Variants in RABEP2 observed in about 807,000 individuals in gnomAD.
The protein encoded by RABEP2 is rab GTPase-binding effector protein 2.
Under a neutral mutation model 74.1 loss-of-function variants are expected in RABEP2, and 57 were observed. The ratio of observed to expected loss-of-function variants is 0.77; its 90% CI spans 0.62 to 0.96. The LOEUF is 0.96. Ranked by LOEUF, RABEP2 falls within the 40% of genes least tolerant of loss-of-function variation. The pLI is 0.00. For missense variants in RABEP2, 692 were observed against 756.3 expected, an observed-to-expected ratio of 0.91 and a Z score of 1.00; for synonymous variants, 351 against 344.0, an observed-to-expected ratio of 1.02 and a Z score of -0.23.
At chr16:28,917,493 C>G (rs1964409978) in intron 3 of RABEP2, among the ~76,000 whole-genome samples, 1 of 152,210 alleles carries the variant, frequency 6.6e-6, no homozygotes, top group Non-Finnish European at 1.5e-5. Flanking sequence ...GATCTCGGCT[C>G]ACTGCAACCT....
intron 2 of RABEP2, among the ~76,000 whole-genome samples, chr16:28,922,615 G>A (rs1231829250): frequency 6.6e-6 from 1 of 151,774 alleles, no homozygotes; most frequent in African/African-American, 2.4e-5. Context: ...GTCCCAGCTG[G>A]TTGGGAGGCT....
Position 28,919,959 on chromosome 16 carries a change from G to A in RABEP2, c.275-16C>T. ...CTGATGGAGTCTGGTGGGGGAGAGG[G>A]AGGGTGGGAGAGAGGGAGGGTCAAT... On this transcript the variant is annotated splice_polypyrimidine_tract_variant and intron_variant, in intron 2 of 12. Coordinates refer to ENST00000358201, the MANE Select transcript of RABEP2 (RefSeq NM_024816.3). 1 of 1,530,668 alleles carries A rather than the reference G, an allele frequency of 6.5e-7. No individual in the cohort carries two copies. The allele number at this position is 1,530,668 out of a possible 1,614,324, so 94.8% of individuals were successfully genotyped here.
Position 28,905,403 on chromosome 16 carries a change from G to A in RABEP2, c.1602C>T (p.Ala534=), listed in dbSNP as rs754837333. 1 of 1,605,620 alleles carries A rather than the reference G, an allele frequency of 6.2e-7. No individual in the cohort carries two copies. The highest frequency in any genetic ancestry group is 1.1e-5 in the South Asian group (1 of 89,248). The change falls in exon 12 of 13, where the codon GCC becomes GCT. Residue 534 remains alanine (A), a synonymous_variant. Transcript: ENST00000358201. ...VQRDFVRLSQ[A]LQVRLERIRQ... is the part of the protein sequence containing the mutation. ...GGGCTGGGACAGGCCATACCTGCAG[G>A]GCCTGGGACAGTCGCACGAAATCCC... is the stretch of plus-strand genomic sequence containing the variant.
chr16:28,924,829 C>G, intron 1 of RABEP2: 1 of 717,524 alleles, frequency 1.4e-6, no homozygotes, highest in South Asian at 1.5e-5. Flanking sequence ...GCCAGTTTCA[C>G]TCAGTCCTCT....
rs757390295 is a variant in RABEP2, at chr16:28,908,686, C to T, written c.1168G>A (p.Glu390Lys). The change falls in exon 8 of 13, where the codon GAG becomes AAG. Residue 390 changes from glutamate (E) to lysine (K), a missense_variant. Coordinates refer to ENST00000358201, the MANE Select transcript of RABEP2 (RefSeq NM_024816.3). ...TGGGGGGCTGAGGATGGCAGCTGCT[C>T]GGCCCGGAGCCCTTGGTTTTCCTCA... is the stretch of plus-strand genomic sequence containing the variant. ...LNEENQGLRAEQLPSSAPQGS... is the reference protein window; with the variant it reads ...LNEENQGLRAKQLPSSAPQGS... 1.1e-5 allele frequency: 17 copies of T among 1,614,072 alleles called. No homozygotes were observed. In the East Asian group the frequency reaches 1.6e-4, roughly 15 times the overall value.
At chr16:28,914,920 T>C (rs542642009) in intron 3 of RABEP2, 138 bp from the exon 4 acceptor site, 1 of 701,942 alleles carries the variant, frequency 1.4e-6, no homozygotes, top group East Asian at 2.7e-5. Context: ...ATTCCAGAGA[T>C]AAGAACACAG....
In RABEP2 at chr16:28,905,006, C is replaced by G. The variant is rs1205755930; in HGVS notation, c.1647G>C (p.Glu549Asp). 6.2e-7 allele frequency: 1 copy of G among 1,611,318 alleles called. No individual in the cohort carries two copies. The highest frequency in any genetic ancestry group is 8.5e-7 in the Non-Finnish European group (1 of 1,179,782). ...CCTCATCCATGATGCTGCGCACTTG[C>G]TCCAGGGTCTCAGCCTGGCGGATCC... is the stretch of plus-strand genomic sequence containing the variant. ...LERIRQAETL[E>D]QVRSIMDEAP... Residue 549 changes from glutamate (E) to aspartate (D), a missense_variant, in exon 13 of 13, where the codon GAG (glutamate) becomes GAC (aspartate). Physicochemically the swap from Glu to Asp is conservative, Grantham distance 45 (BLOSUM62 2). Coordinates refer to ENST00000358201, the MANE Select transcript of RABEP2 (RefSeq NM_024816.3).
Position 28,914,556 on chromosome 16 carries a change from C to T in RABEP2, c.574G>A (p.Gly192Ser), listed in dbSNP as rs758271327. ...RRPRHAPSLHGSTELLPLSRD... is the reference protein window; with the variant it reads ...RRPRHAPSLHSSTELLPLSRD... ...GACAGGGGCAGCAACTCCGTGGAGCCGTGCAGGGAAGGGGCATGCCGGGGA... is the reference window on the plus strand; with the variant it reads ...GACAGGGGCAGCAACTCCGTGGAGCTGTGCAGGGAAGGGGCATGCCGGGGA... The change falls in exon 5 of 13, where the codon GGC (glycine) becomes AGC (serine). Residue 192 changes from glycine to serine, a missense_variant. Gly to Ser is a moderately conservative substitution (Grantham distance 56, BLOSUM62 0). Transcript: ENST00000358201. The T allele has an allele frequency of 6.8e-6, 11 of 1,609,842 alleles. No individual in the cohort carries two copies. The highest frequency in any genetic ancestry group is 1.7e-4 in the Middle Eastern group (1 of 6,042).
In RABEP2 at chr16:28,923,265, C is replaced by T. The variant is rs376545705; in HGVS notation, c.274+1138G>A. Among the ~76,000 whole-genome samples the T allele has an allele frequency of 1.7e-3, 254 of 152,052 alleles. 7 individuals are homozygous for T. The South Asian group carries it at 0.051, about 31-fold the overall frequency. ...TCTACAAAAAAATACTAAAAATTAG[C>T]CAGGCATGGTGGCATGCACCTGTAG... On this transcript the variant is annotated intron_variant, in intron 2 of 12. Coordinates refer to ENST00000358201, the MANE Select transcript of RABEP2 (RefSeq NM_024816.3).
Position 28,919,916 on chromosome 16 carries a change from A to C in RABEP2, c.302T>G (p.Ile101Ser). 1 of 1,547,818 alleles carries C rather than the reference A, an allele frequency of 6.5e-7. No homozygotes were observed. The highest frequency in any genetic ancestry group is 8.8e-7 in the Non-Finnish European group (1 of 1,139,720). Residue 101 changes from isoleucine (I) to serine (S), a missense_variant, in exon 3 of 13, where the codon ATC becomes AGC. Coordinates refer to ENST00000358201, the MANE Select transcript of RABEP2 (RefSeq NM_024816.3). ...CTGTCGCTCCTGCTTCAGGGCGGTG[A>C]TCTGGGCTTCATAGCTGCTGATGGA... ...KDSISSYEAQ[I>S]TALKQERQQQ...
In RABEP2 at chr16:28,922,909, G is replaced by A. The variant is rs572625873; in HGVS notation, c.274+1494C>T. 2.0e-5 allele frequency among the ~76,000 whole-genome samples: 3 copies of A among 151,418 alleles called. No homozygotes were observed. In the South Asian group the frequency reaches 6.2e-4, roughly 31 times the overall value. On this transcript the variant is annotated intron_variant, in intron 2 of 12. Transcript: ENST00000358201. ...ACTGTCTCAGAAAAAAAAAAAAATA[G>A]GTTCAGCTGTTAGGCTGCTTGGTTT... is the stretch of plus-strand genomic sequence containing the variant.
At chr16:28,912,507 C>T (rs368945967) in intron 5 of RABEP2, among the ~76,000 whole-genome samples, 1 of 150,108 alleles carries the variant, frequency 6.7e-6, no homozygotes. Flanking sequence ...ACCTCCTGGG[C>T]TCAAGCAATC....
At chr16:28,905,197 C>T (rs1164377848) in intron 12 of RABEP2, among the ~76,000 whole-genome samples, 153 bp from the exon 13 acceptor site, 1 of 152,196 alleles carries the variant, frequency 6.6e-6, no homozygotes, top group African/African-American at 2.4e-5. Flanking sequence ...GTCCACCATG[C>T]CCTGTACTGA....
intron 10 of RABEP2, 25 bp from the exon 11 acceptor site, chr16:28,905,784 C>T (rs937307015): frequency 3.7e-6 from 6 of 1,613,788 alleles, no homozygotes; most frequent in Non-Finnish European, 5.1e-6. Flanking sequence ...CAGGGGGAGA[C>T]GTCAGGGCCA....
chr16:28,910,358 C>T (rs1964295670), intron 7 of RABEP2: 1 of 150,414 alleles, frequency 6.6e-6, no homozygotes, highest in Non-Finnish European at 1.5e-5. Context: ...GATCTCGGCT[C>T]ACTACAACCT....
intron 3 of RABEP2, among the ~76,000 whole-genome samples, chr16:28,917,154 T>A (rs1163594318): frequency 6.6e-6 from 1 of 152,164 alleles, no homozygotes; most frequent in African/African-American, 2.4e-5. Flanking sequence ...ATCCTGCTGA[T>A]GTTGAGCAAC....
chr16:28,921,680 T>G (rs1596704818), intron 2 of RABEP2, among the ~76,000 whole-genome samples: 1 of 125,334 alleles, frequency 8.0e-6, no homozygotes, highest in African/African-American at 3.1e-5. Flanking sequence ...TTTAAGGGAG[T>G]CAGGTTCGGG....
At chr16:28,905,371 C>CCGGGCGGGG in intron 12 of RABEP2, 26 bp downstream of exon 12, 6 of 1,559,488 alleles carry the variant, frequency 3.8e-6, no homozygotes, top group African/African-American at 1.4e-5. Flanking sequence ...AGCCAGCCAG[C>CCGGGCGGGG]CTGGCGGGGC....
At chr16:28,924,175 A>T (rs1434337084) in intron 2 of RABEP2, 1 of 571,630 alleles carries the variant, frequency 1.7e-6, no homozygotes, top group African/African-American at 1.9e-5. Context: ...GGCAACAGAT[A>T]GAAGCTGGGA....
Sources: allele counts gnomAD v4.1 joint callset (sites outside exome capture counted in the v4.1 genomes callset), GRCh38; gene constraint gnomAD v4.1.1; transcripts MANE v1.5; gene names NCBI Gene and HGNC (gene_info 2026-07-23, HGNC 2026-07-21).